The following RTL4 variants were observed in gnomAD, a reference collection of about 807,000 sequenced individuals.
The protein encoded by RTL4 is retrotransposon Gag like 4.
A neutral mutation model predicts 5.3 loss-of-function variants in RTL4; 4 were observed. That is an observed-to-expected ratio of 0.75 (90% confidence interval 0.37 to 1.72). RTL4 has a LOEUF of 1.72. RTL4 is among the 40% of genes most tolerant of loss of function. The probability of loss-of-function intolerance (pLI) is 0.04; values close to 1 mark genes in which losing one functional copy is unlikely to be tolerated. For synonymous variants in RTL4, 98 were observed against 87.3 expected (o/e 1.12, Z -0.68); for missense variants, 260 against 227.1 (o/e 1.14, Z -0.93).
chrX:112,233,090 A>G, the RTL4 span, among the ~76,000 whole-genome samples: 2 of 111,844 alleles, frequency 1.8e-5, no homozygotes, highest in Admixed American at 9.5e-5. Context: ...ACATTCATGC[A>G]TCCTGGTGGG....
the RTL4 span, among the ~76,000 whole-genome samples, chrX:112,384,118 A>C: frequency 0.011 from 1,287 of 112,198 alleles, 20 homozygotes; most frequent in African/African-American, 0.04. Flanking sequence ...TTTTATAAGA[A>C]ATACCCCAAA....
At chrX:112,271,047 C>T in the RTL4 span, among the ~76,000 whole-genome samples, 3 of 24,588 alleles carry the variant, frequency 1.2e-4, no homozygotes, top group Non-Finnish European at 2.3e-4. Flanking sequence ...GTCCTGGAGA[C>T]AGAAAAAAAA....
the RTL4 span, among the ~76,000 whole-genome samples, chrX:112,400,136 A>C: frequency 1.8e-5 from 2 of 111,297 alleles, no homozygotes; most frequent in African/African-American, 6.5e-5. Flanking sequence ...CAAACATAGA[A>C]AAATTTTGGA....
At chrX:112,176,077 C>A in the RTL4 span, among the ~76,000 whole-genome samples, 1 of 110,843 alleles carries the variant, frequency 9.0e-6, no homozygotes, top group Non-Finnish European at 1.9e-5. Flanking sequence ...CATTCTTATA[C>A]ACCAATAACA....
the RTL4 span, among the ~76,000 whole-genome samples, chrX:112,088,783 ATTTGGTTTG>A: frequency 2.7e-5 from 3 of 111,970 alleles, no homozygotes; most frequent in African/African-American, 6.5e-5. Context: ...CTCATTGCGG[ATTTGGTTTG>A]CATTTCCTCA....
At chrX:112,348,898 G>A in the RTL4 span, among the ~76,000 whole-genome samples, 1 of 110,341 alleles carries the variant, frequency 9.1e-6, no homozygotes, top group Admixed American at 9.7e-5. Context: ...ACCACTGCTG[G>A]TAGCTAATAT....
the RTL4 span, among the ~76,000 whole-genome samples, chrX:112,142,846 T>G: frequency 9.0e-6 from 1 of 111,529 alleles, no homozygotes; most frequent in South Asian, 3.8e-4. Context: ...TTTCTTTTTT[T>G]GAGACAGAAT....
chrX:112,330,852 G>T, the RTL4 span, among the ~76,000 whole-genome samples: 18 of 108,841 alleles, frequency 1.7e-4, no homozygotes, highest in Non-Finnish European at 2.9e-4. Flanking sequence ...AAATAACACC[G>T]CATATCTACA....
At chrX:112,393,717 C>G in the RTL4 span, among the ~76,000 whole-genome samples, 1 of 112,048 alleles carries the variant, frequency 8.9e-6, no homozygotes, top group Non-Finnish European at 1.9e-5. Flanking sequence ...AAACTCCCTC[C>G]CTGTGGGAGC....
At chrX:112,452,657 T>G (rs1926761157), upstream of RTL4, among the ~76,000 whole-genome samples, 1 of 111,970 alleles carries the variant, frequency 8.9e-6, no homozygotes, top group South Asian at 3.7e-4. Context: ...GGAAATATTT[T>G]GGAAGTAAAT....
chrX:112,134,803 A>G, the RTL4 span, among the ~76,000 whole-genome samples: 1 of 111,810 alleles, frequency 8.9e-6, no homozygotes, highest in African/African-American at 3.2e-5. Flanking sequence ...GTGGAATCTT[A>G]TTATATGTAC....
chrX:112,138,794 G>A, the RTL4 span, among the ~76,000 whole-genome samples: 5 of 110,807 alleles, frequency 4.5e-5, no homozygotes, highest in South Asian at 3.8e-4. Context: ...TGCAAAAATC[G>A]TACATAATAT....
At chrX:112,135,092 G>A in the RTL4 span, among the ~76,000 whole-genome samples, 1 of 112,132 alleles carries the variant, frequency 8.9e-6, no homozygotes, top group African/African-American at 3.2e-5. Flanking sequence ...AATCATATGT[G>A]TATGTTTAAC....
the RTL4 span, among the ~76,000 whole-genome samples, chrX:112,139,439 TAATA>T: frequency 8.9e-6 from 1 of 112,104 alleles, no homozygotes; most frequent in African/African-American, 3.2e-5. Context: ...CCACAGTAAT[TAATA>T]AATATTTTGG....
At chrX:112,172,926 G>A in the RTL4 span, among the ~76,000 whole-genome samples, 1 of 103,642 alleles carries the variant, frequency 9.6e-6, no homozygotes, top group Non-Finnish European at 1.9e-5. Flanking sequence ...AACACCACAT[G>A]TTCTCATTTA....
the RTL4 span, among the ~76,000 whole-genome samples, chrX:112,424,093 T>C: frequency 8.9e-6 from 1 of 111,808 alleles, no homozygotes; most frequent in Non-Finnish European, 1.9e-5. Context: ...GAATCAACCA[T>C]ATAAATCCAA....
the RTL4 span, among the ~76,000 whole-genome samples, chrX:112,212,742 ACAAT>A: frequency 8.9e-6 from 1 of 112,448 alleles, no homozygotes; most frequent in East Asian, 2.8e-4. Context: ...AGCTAGCAAC[ACAAT>A]CAGTGTTTAA....
At chrX:112,237,207 A>T in the RTL4 span, among the ~76,000 whole-genome samples, 4 of 112,080 alleles carry the variant, frequency 3.6e-5, no homozygotes, top group Admixed American at 1.9e-4. Flanking sequence ...GGCTGCCAAG[A>T]TCATTTTATT....
chrX:112,161,016 T>C, the RTL4 span, among the ~76,000 whole-genome samples: 1 of 111,241 alleles, frequency 9.0e-6, no homozygotes, highest in Non-Finnish European at 1.9e-5. Context: ...GTCAATAATA[T>C]GTGTTTCAAA....
Sources: allele counts gnomAD v4.1 joint callset (sites outside exome capture counted in the v4.1 genomes callset), GRCh38; gene constraint gnomAD v4.1.1; transcripts MANE v1.5; gene names NCBI Gene and HGNC (gene_info 2026-07-23, HGNC 2026-07-21).